GRIN2B: variants seen among roughly 807,000 people sequenced by gnomAD.
The protein encoded by GRIN2B is glutamate ionotropic receptor NMDA type subunit 2B.
GRIN2B carries 5 observed loss-of-function variants against 114.5 expected under a neutral mutation model. The observed-to-expected ratio is 0.04, with a 90% CI of 0.02 to 0.09. GRIN2B has a LOEUF of 0.09. Ranked by LOEUF, GRIN2B falls within the 10% of genes least tolerant of loss-of-function variation. GRIN2B has a pLI of 1.00. For missense variants in GRIN2B, 1,108 were observed against 1,943.5 expected, an observed-to-expected ratio of 0.57 and a Z score of 8.08; for synonymous variants, 787 against 745.1, an observed-to-expected ratio of 1.06 and a Z score of -0.92.
chr12:13,915,282 AGTC>A (rs1415306531), intron 2 of GRIN2B, among the ~76,000 whole-genome samples: 5 of 152,228 alleles, frequency 3.3e-5, no homozygotes, highest in African/African-American at 1.2e-4. Context: ...GGCATACGTT[AGTC>A]ACACTGTACT....
intron 4 of GRIN2B, among the ~76,000 whole-genome samples, chr12:13,690,371 TCTCACACA>T (rs1565501442): frequency 1.1e-5 from 1 of 87,474 alleles, no homozygotes; most frequent in Non-Finnish European, 2.6e-5. Flanking sequence ...TCTCTCTCTC[TCTCACACA>T]CACACACACA....
chr12:13,747,750 G>A (rs575908591), intron 4 of GRIN2B, among the ~76,000 whole-genome samples: 86 of 152,288 alleles, frequency 5.6e-4, no homozygotes, highest in African/African-American at 1.6e-3. Context: ...TATAACATGC[G>A]TTTGCCTTAC....
At chr12:13,619,040 T>C (rs1949483715) in intron 5 of GRIN2B, among the ~76,000 whole-genome samples, 1 of 152,070 alleles carries the variant, frequency 6.6e-6, no homozygotes, top group African/African-American at 2.4e-5. Flanking sequence ...AAGTCACTAG[T>C]GTCATATCAG....
chr12:13,880,213 G>T (rs1866049958), intron 2 of GRIN2B, among the ~76,000 whole-genome samples: 1 of 152,176 alleles, frequency 6.6e-6, no homozygotes, highest in Non-Finnish European at 1.5e-5. Context: ...GGACTAAAGA[G>T]CACCGAGGGT....
At chr12:13,640,219 C>G (rs1949702348) in intron 5 of GRIN2B, among the ~76,000 whole-genome samples, 1 of 151,942 alleles carries the variant, frequency 6.6e-6, no homozygotes, top group South Asian at 2.1e-4. Context: ...CCACTGTATT[C>G]CAGCCTGGAT....
intron 3 of GRIN2B, among the ~76,000 whole-genome samples, chr12:13,826,537 C>T (rs540883448): frequency 1.3e-5 from 2 of 152,240 alleles, no homozygotes; most frequent in African/African-American, 4.8e-5. Flanking sequence ...GTAAATTTCA[C>T]CCCTCCCCTC....
chr12:13,639,342 A>C (rs749283757), intron 5 of GRIN2B, among the ~76,000 whole-genome samples: 15 of 152,160 alleles, frequency 9.9e-5, no homozygotes, highest in Non-Finnish European at 1.5e-5. Context: ...TGGTAGAGGC[A>C]GTAAAAGCAG....
At chr12:13,950,660 G>C (rs879727857) in intron 2 of GRIN2B, among the ~76,000 whole-genome samples, 2 of 152,120 alleles carry the variant, frequency 1.3e-5, no homozygotes, top group Non-Finnish European at 2.9e-5. Context: ...TAAACAAAAG[G>C]AGTGCTGAGA....
At chr12:13,641,538 C>T (rs573456840) in intron 5 of GRIN2B, among the ~76,000 whole-genome samples, 5 of 152,266 alleles carry the variant, frequency 3.3e-5, no homozygotes, top group Admixed American at 3.3e-4. Context: ...TTTCTGATTA[C>T]TTGTCCAATT....
At chr12:13,940,330 A>T (rs1867217985) in intron 2 of GRIN2B, among the ~76,000 whole-genome samples, 2 of 152,136 alleles carry the variant, frequency 1.3e-5, no homozygotes, top group Non-Finnish European at 2.9e-5. Context: ...CAGAATAAGG[A>T]AACCTTCTCA....
intron 2 of GRIN2B, among the ~76,000 whole-genome samples, chr12:13,916,095 C>A (rs141081345): frequency 0.013 from 2,012 of 152,068 alleles, 23 homozygotes; most frequent in Middle Eastern, 0.031. Context: ...GCTTTGAGGC[C>A]AGGAAATAAA....
intron 10 of GRIN2B, among the ~76,000 whole-genome samples, chr12:13,584,607 T>TA (rs1367444150): frequency 6.6e-6 from 1 of 152,244 alleles, no homozygotes; most frequent in Non-Finnish European, 1.5e-5. Flanking sequence ...TAATGTGTCC[T>TA]AATGCCAGTC....
At chr12:13,573,436 G>C (rs563089111) in intron 10 of GRIN2B, among the ~76,000 whole-genome samples, 1 of 149,414 alleles carries the variant, frequency 6.7e-6, no homozygotes, top group South Asian at 2.1e-4. Context: ...GGGCTACACA[G>C]AGAGACTCCG....
intron 2 of GRIN2B, among the ~76,000 whole-genome samples, chr12:13,916,988 G>T (rs1445859315): frequency 6.6e-6 from 1 of 152,014 alleles, no homozygotes; most frequent in African/African-American, 2.4e-5. Context: ...GCAAAGATGG[G>T]GAAGAGAAAG....
At chr12:13,613,084 C>T (rs1949385994) in intron 8 of GRIN2B, among the ~76,000 whole-genome samples, 1 of 152,194 alleles carries the variant, frequency 6.6e-6, no homozygotes, top group African/African-American at 2.4e-5. Context: ...AACACACCAA[C>T]TGTGAAATGC....
At chr12:13,851,474 C>T (rs946464446) in intron 3 of GRIN2B, among the ~76,000 whole-genome samples, 25 of 152,198 alleles carry the variant, frequency 1.6e-4, no homozygotes, top group African/African-American at 5.8e-4. Context: ...AACAACATGA[C>T]ATGTTCTACT....
chr12:13,911,159 C>T (rs1452784457), intron 2 of GRIN2B, among the ~76,000 whole-genome samples: 7 of 151,858 alleles, frequency 4.6e-5, no homozygotes, highest in Non-Finnish European at 8.8e-5. Context: ...AAAGACTGTA[C>T]CTAATTCATT....
rs555608912 is a variant in GRIN2B, at chr12:13,571,962, G to A, written c.2013C>T (p.Phe671=). ...DQVSGLSDKK[F]QRPNDFSPPF... ...GGGGTGAGAAGTCATTAGGTCTCTG[G>A]AACTGGAGAGAGAAAGACAGATAGA... The change falls in exon 11 of 14, where the codon TTC becomes TTT. Residue 671 remains phenylalanine (F), a splice_region_variant and synonymous_variant. Transcript: ENST00000609686. 1 of 1,612,690 alleles carries A rather than the reference G, an allele frequency of 6.2e-7. No homozygotes were observed. The highest frequency in any genetic ancestry group is 1.3e-5 in the African/African-American group (1 of 75,026).
At chr12:13,717,072 T>C (rs993196093) in intron 4 of GRIN2B, among the ~76,000 whole-genome samples, 1,751 of 101,166 alleles carry the variant, frequency 0.017, 40 homozygotes, top group African/African-American at 0.12. Flanking sequence ...TACGCGTGTG[T>C]GTGTGTGTGT....
Sources: allele counts gnomAD v4.1 joint callset (sites outside exome capture counted in the v4.1 genomes callset), GRCh38; gene constraint gnomAD v4.1.1; transcripts MANE v1.5; gene names NCBI Gene and HGNC (gene_info 2026-07-23, HGNC 2026-07-21).